RNF144B: variants seen among roughly 807,000 people sequenced by gnomAD.
RNF144B encodes ring finger protein 144B.
A neutral mutation model predicts 40.2 loss-of-function variants in RNF144B; 25 were observed. That is an observed-to-expected ratio of 0.62 (90% CI 0.45 to 0.87). RNF144B has a LOEUF of 0.87. Among genes scored for constraint, RNF144B ranks in the 40% least tolerant of loss-of-function variants. The pLI, the probability that RNF144B is intolerant of heterozygous loss-of-function variation, is 0.00. For synonymous variants in RNF144B, 145 were observed against 136.3 expected, an observed-to-expected ratio of 1.06 and a Z score of -0.44; for missense variants, 365 against 373.7, an observed-to-expected ratio of 0.98 and a Z score of 0.19.
intron 3 of RNF144B, among the ~76,000 whole-genome samples, chr6:18,430,985 G>C (rs1294385011): frequency 6.6e-6 from 1 of 152,136 alleles, no homozygotes; most frequent in Non-Finnish European, 1.5e-5. Context: ...GCTCACGCCT[G>C]TAATCCCAGC....
At position 18,458,553 on chromosome 6, in the gene RNF144B, A is replaced by G. The variant is rs1333053169; in HGVS notation, c.537-1054A>G. 1.3e-5 allele frequency among the ~76,000 whole-genome samples: 2 copies of G among 152,186 alleles called. No individual in the cohort carries two copies. The highest frequency in any genetic ancestry group is 3.9e-4 in the East Asian group (2 of 5,174). The stretch of plus-strand genomic sequence containing the variant: ...CACTGTTGCCTACATTTTCGTGGCC[A>G]TAGCAGGAAGCTCCGTGGGTATCAC... On this transcript the variant is annotated intron_variant, in intron 5 of 7. Coordinates refer to ENST00000259939, the MANE Select transcript of RNF144B (RefSeq NM_182757.4). The surrounding 1 kb of genome is among the most constrained non-coding windows in gnomAD (Gnocchi z 4.8).
chr6:18,460,772 G>A lies in RNF144B; in HGVS notation c.681+1021G>A, dbSNP rs1759433519. On this transcript the variant is annotated intron_variant, in intron 6 of 7. Coordinates refer to ENST00000259939, the MANE Select transcript of RNF144B (RefSeq NM_182757.4). The surrounding 1 kb of genome is among the most constrained non-coding windows in gnomAD (Gnocchi z 4.4). ...TTGAGGTGCAGTTTTATTCAGCCCT[G>A]TGCCAAGGCTAATGGTAACTTCAGA... is the stretch of plus-strand genomic sequence containing the variant. Among the ~76,000 whole-genome samples the A allele has an allele frequency of 6.6e-6, 1 of 152,118 alleles. No homozygotes were observed. The highest frequency in any genetic ancestry group is 1.5e-5 in the Non-Finnish European group (1 of 68,036).
chr6:18,397,484 G>A (rs1225345351), intron 1 of RNF144B, among the ~76,000 whole-genome samples: 2 of 152,134 alleles, frequency 1.3e-5, no homozygotes, highest in East Asian at 1.9e-4. Context: ...ATTTCCAGAT[G>A]TGATATAAAA....
chr6:18,390,477 A>G (rs950479070), intron 1 of RNF144B, among the ~76,000 whole-genome samples: 2 of 152,256 alleles, frequency 1.3e-5, no homozygotes, highest in African/African-American at 4.8e-5. Flanking sequence ...CTTCTCATCT[A>G]TGAGCAGATC....
At chr6:18,430,143 A>T (rs1271728353) in intron 3 of RNF144B, among the ~76,000 whole-genome samples, 1 of 152,238 alleles carries the variant, frequency 6.6e-6, no homozygotes, top group Admixed American at 6.5e-5. Flanking sequence ...GCCACTAGCC[A>T]CATGTGGCTA....
At chr6:18,390,271 A>G (rs996378299) in intron 1 of RNF144B, among the ~76,000 whole-genome samples, 1 of 152,252 alleles carries the variant, frequency 6.6e-6, no homozygotes, top group African/African-American at 2.4e-5. Context: ...ATTTTAATTC[A>G]TAATTTTTAC....
chr6:18,413,966 A>T (rs1795096969), intron 2 of RNF144B, among the ~76,000 whole-genome samples: 1 of 152,180 alleles, frequency 6.6e-6, no homozygotes, highest in Non-Finnish European at 1.5e-5. Context: ...GTCAATTAAT[A>T]TGAAAAAAGC....
intron 2 of RNF144B, among the ~76,000 whole-genome samples, chr6:18,408,822 T>C (rs1794968171): frequency 6.6e-6 from 1 of 152,138 alleles, no homozygotes; most frequent in African/African-American, 2.4e-5. Flanking sequence ...CCCATACTCT[T>C]CTAAATGGAA....
chr6:18,452,007 CT>C (rs1351815938), intron 4 of RNF144B, among the ~76,000 whole-genome samples: 3 of 152,054 alleles, frequency 2.0e-5, no homozygotes, highest in African/African-American at 7.3e-5. Context: ...TCATAACATA[CT>C]TTCAACACCA....
intron 2 of RNF144B, among the ~76,000 whole-genome samples, chr6:18,408,651 T>C (rs1794964011): frequency 6.6e-6 from 1 of 152,162 alleles, no homozygotes; most frequent in Admixed American, 6.5e-5. Context: ...TTCAGCTTAA[T>C]GAGGTGCCGC....
rs1758462263 is a variant in RNF144B at position 18,422,900 on chromosome 6, T to C, written c.166-4681T>C. ...GAACCCAGGAGTTTGAGGTTTGCAATGAGCCATAATTGTGCCACTGCACCC... is the reference window on the plus strand; with the variant it reads ...GAACCCAGGAGTTTGAGGTTTGCAACGAGCCATAATTGTGCCACTGCACCC... On this transcript the variant is annotated intron_variant, in intron 2 of 7. Coordinates refer to ENST00000259939, the MANE Select transcript of RNF144B (RefSeq NM_182757.4). This position sits in a 1 kb window ranked among gnomAD's most constrained non-coding sequence, Gnocchi z 4.7. Among the ~76,000 whole-genome samples the C allele has an allele frequency of 6.7e-6, 1 of 150,138 alleles. No individual in the cohort carries two copies. The highest frequency in any genetic ancestry group is 1.5e-5 in the Non-Finnish European group (1 of 67,758).
At chr6:18,396,882 C>G (rs1162357942) in intron 1 of RNF144B, 14 of 953,064 alleles carry the variant, frequency 1.5e-5, no homozygotes, top group Non-Finnish European at 1.7e-5. Flanking sequence ...TACAAAAACT[C>G]AAAATCCTGA....
chr6:18,427,891 C>T (rs1487277248), intron 3 of RNF144B, among the ~76,000 whole-genome samples: 1 of 152,030 alleles, frequency 6.6e-6, no homozygotes, highest in African/African-American at 2.4e-5. Context: ...TTACATATAC[C>T]ATCTTGAGTG....
chr6:18,418,585 TG>T lies in RNF144B; in HGVS notation c.166-8992del. Among the ~76,000 whole-genome samples the T allele has an allele frequency of 6.6e-6, 1 of 151,820 alleles. No individual in the cohort carries two copies. The highest frequency in any genetic ancestry group is 1.9e-4 in the East Asian group (1 of 5,158). On this transcript the variant is annotated intron_variant, in intron 2 of 7. Transcript: ENST00000259939. This position sits in a 1 kb window ranked among gnomAD's most constrained non-coding sequence, Gnocchi z 5.2. Reference sequence around the variant, plus strand: ...GTGCATGGAGGATCTGGGGGAGAAATGGGGAGCATGTACTAATGGGCACAGA... The same window carrying T: ...GTGCATGGAGGATCTGGGGGAGAAATGGGAGCATGTACTAATGGGCACAGA...
In RNF144B at chr6:18,453,137, CTT is replaced by C. The variant is rs33972716; in HGVS notation, c.332-4000_332-3999del. Among the ~76,000 whole-genome samples, 100 of 103,334 alleles carry C rather than the reference CTT, an allele frequency of 9.7e-4. 1 individual carries two copies. The East Asian group carries it at 9.9e-3, about 10-fold the overall frequency. The allele number at this position is 103,334 out of a possible 152,430, so 67.8% of individuals were successfully genotyped here. On this transcript the variant is annotated intron_variant, in intron 4 of 7. Coordinates refer to ENST00000259939, the MANE Select transcript of RNF144B (RefSeq NM_182757.4). ...GTTTCATTTATACTCTTTCTGTCTG[CTT>C]TTTTTTTTTTTTTTTTTGAGATGGA...
At chr6:18,454,714 A>G (rs1759289373) in intron 4 of RNF144B, among the ~76,000 whole-genome samples, 1 of 152,216 alleles carries the variant, frequency 6.6e-6, no homozygotes. Flanking sequence ...CTTTCTTTAT[A>G]GTAATTCATC....
At position 18,464,828 on chromosome 6, in the gene RNF144B, C is replaced by T. The variant is rs781472196; in HGVS notation, c.772-99C>T. The T allele has an allele frequency of 5.4e-5, 63 of 1,169,522 alleles. No individual in the cohort carries two copies. The highest frequency in any genetic ancestry group is 7.4e-5 in the Non-Finnish European group (60 of 807,934). 72.4% of individuals were successfully genotyped at this position (1,169,522 alleles called of 1,614,324 possible). A position where few individuals can be genotyped will look rare whatever the true frequency, so the allele number is the denominator to read the frequency against. On this transcript the variant is annotated intron_variant, in intron 7 of 7. Coordinates refer to ENST00000259939, the MANE Select transcript of RNF144B (RefSeq NM_182757.4). This position sits in a 1 kb window ranked among gnomAD's most constrained non-coding sequence, Gnocchi z 6.1. ...TTTCAACATATGAGCTTCAGGGGGA[C>T]ACAAACATTTGGCCCACAGCAGATA...
chr6:18,425,071 G>T lies in RNF144B; in HGVS notation c.166-2510G>T, dbSNP rs1758518344. Among the ~76,000 whole-genome samples the T allele has an allele frequency of 6.6e-6, 1 of 152,134 alleles. No individual in the cohort carries two copies. The highest frequency in any genetic ancestry group is 1.5e-5 in the Non-Finnish European group (1 of 68,008). On this transcript the variant is annotated intron_variant, in intron 2 of 7. Transcript: ENST00000259939. The surrounding 1 kb of genome is among the most constrained non-coding windows in gnomAD (Gnocchi z 4.2). Reference sequence around the variant, plus strand: ...TGTATGTGTGGGTGTGTGTGTGTGTGTGTTAAAACCTGTGAGGTAACTATA... The same window carrying T: ...TGTATGTGTGGGTGTGTGTGTGTGTTTGTTAAAACCTGTGAGGTAACTATA...
In RNF144B at chr6:18,444,922, T is replaced by C. The variant is rs1759044820; in HGVS notation, c.331+5178T>C. ...ATTACTCTAGTTTCACCTTGCTCTT[T>C]TATTTGTCCTTGGTGAAATGCTTCC... is the stretch of plus-strand genomic sequence containing the variant. On this transcript the variant is annotated intron_variant, in intron 4 of 7. Transcript: ENST00000259939. This position sits in a 1 kb window ranked among gnomAD's most constrained non-coding sequence, Gnocchi z 4.3. Among the ~76,000 whole-genome samples the C allele has an allele frequency of 6.6e-6, 1 of 152,186 alleles. No individual in the cohort carries two copies. Among genetic ancestry groups the C allele is most frequent in the South Asian group, 2.1e-4 (1 of 4,832 alleles).
Sources: allele counts gnomAD v4.1 joint callset (sites outside exome capture counted in the v4.1 genomes callset), GRCh38; gene constraint gnomAD v4.1.1; non-coding constraint Gnocchi (gnomAD v3.1); transcripts MANE v1.5; gene names NCBI Gene and HGNC (gene_info 2026-07-23, HGNC 2026-07-21).